The following APBA2 variants were observed in gnomAD, a reference collection of about 807,000 sequenced individuals.
The protein encoded by APBA2 is amyloid-beta A4 precursor protein-binding family A member 2.
In APBA2, 30 loss-of-function variants were observed where a neutral mutation model predicts 75.0. That is an observed-to-expected ratio of 0.40 (90% CI 0.30 to 0.54). APBA2 has a LOEUF of 0.54. Among genes scored for constraint, APBA2 ranks in the 20% least tolerant of loss-of-function variants. The probability of loss-of-function intolerance (pLI) is 0.49; values close to 1 mark genes in which losing one functional copy is unlikely to be tolerated. For synonymous variants in APBA2, 444 were observed against 409.6 expected (o/e 1.08, Z -1.01); for missense variants, 801 against 1,016.1 (o/e 0.79, Z 2.88).
At chr15:29,043,414 G>A (rs1228699617) in intron 3 of APBA2, among the ~76,000 whole-genome samples, 1 of 152,202 alleles carries the variant, frequency 6.6e-6, no homozygotes, top group Non-Finnish European at 1.5e-5. Flanking sequence ...AATGTCACCT[G>A]ACAGGTATGG....
Position 29,066,778 on chromosome 15 carries a change from T to G in APBA2, c.952-8143T>G, listed in dbSNP as rs1382682020. On this transcript the variant is annotated intron_variant, in intron 4 of 14. Transcript: ENST00000683413. ...GAGGTTTTTCAGTGAATAACTGGTT[T>G]GAACCAATTTGGATCCTCTAAAACC... Among the ~76,000 whole-genome samples the G allele has an allele frequency of 2.6e-5, 4 of 152,336 alleles. No homozygotes were observed. The East Asian group carries it at 7.7e-4, about 29-fold the overall frequency.
chr15:28,983,542 C>A (rs139461308), intron 2 of APBA2, among the ~76,000 whole-genome samples: 176 of 152,294 alleles, frequency 1.2e-3, no homozygotes, highest in African/African-American at 4.1e-3. Context: ...CTTTTCTCTT[C>A]GAGGCTGGTT....
At chr15:28,956,449 C>T (rs955892784) in intron 2 of APBA2, among the ~76,000 whole-genome samples, 3 of 152,124 alleles carry the variant, frequency 2.0e-5, no homozygotes, top group East Asian at 1.9e-4. Context: ...AGGCGACAGC[C>T]GGGTTTTGGA....
intron 1 of APBA2, among the ~76,000 whole-genome samples, chr15:28,915,787 C>A (rs1265202754): frequency 6.6e-6 from 1 of 150,556 alleles, no homozygotes; most frequent in Admixed American, 6.6e-5. Context: ...CACACACACA[C>A]CACACACACA....
intron 2 of APBA2, among the ~76,000 whole-genome samples, chr15:28,963,510 C>G (rs775348436): frequency 1.9e-4 from 29 of 152,296 alleles, no homozygotes; most frequent in Middle Eastern, 3.4e-3. Flanking sequence ...CTAACAGGTG[C>G]CAGAGTCGGA....
chr15:29,036,589 G>A (rs1019484269), intron 3 of APBA2, among the ~76,000 whole-genome samples: 1 of 152,192 alleles, frequency 6.6e-6, no homozygotes, highest in Non-Finnish European at 1.5e-5. Context: ...GGTTTGGGGT[G>A]CAGAGACCTC....
Position 28,995,143 on chromosome 15 carries a change from G to A in APBA2, c.-94-610G>A, listed in dbSNP as rs904007550. Reference sequence around the variant, plus strand: ...CCAAGGGCCTGGCCTTGAAACCCCCGAGCCTGCTGGCAGTAGCTTCCTCTT... The same window carrying A: ...CCAAGGGCCTGGCCTTGAAACCCCCAAGCCTGCTGGCAGTAGCTTCCTCTT... On this transcript the variant is annotated intron_variant, in intron 2 of 14. Coordinates refer to ENST00000683413, the MANE Select transcript of APBA2 (RefSeq NM_001353788.2). Among the ~76,000 whole-genome samples the A allele has an allele frequency of 2.6e-5, 4 of 152,062 alleles. No homozygotes were observed. The East Asian group carries it at 7.7e-4, about 29-fold the overall frequency.
At chr15:29,081,436 C>T (rs1477830884) in intron 6 of APBA2, among the ~76,000 whole-genome samples, 1 of 152,194 alleles carries the variant, frequency 6.6e-6, no homozygotes, top group Non-Finnish European at 1.5e-5. Flanking sequence ...AAAATCTGAA[C>T]TTTTATTCAC....
chr15:28,913,742 T>C (rs2033540210), intron 1 of APBA2, among the ~76,000 whole-genome samples: 1 of 152,332 alleles, frequency 6.6e-6, no homozygotes, highest in South Asian at 2.1e-4. Context: ...TTAGCACTTA[T>C]TTAAATTAAA....
chr15:28,920,374 C>T (rs2033911113), intron 1 of APBA2, among the ~76,000 whole-genome samples: 1 of 152,158 alleles, frequency 6.6e-6, no homozygotes, highest in African/African-American at 2.4e-5. Flanking sequence ...GGGTCTAGGC[C>T]CAGGACCTCA....
Position 29,005,724 on chromosome 15 carries a change from C to T in APBA2, c.-41+9918C>T, listed in dbSNP as rs181123435. On this transcript the variant is annotated intron_variant, in intron 3 of 14. Transcript: ENST00000683413. ...TACTAAAAATACAAAAATTGCCTGT[C>T]GTGGTGGCAGACCCCTGTAATCCCA... Among the ~76,000 whole-genome samples, 8 of 152,176 alleles carry T rather than the reference C, an allele frequency of 5.3e-5. No individual in the cohort carries two copies. In the East Asian group the frequency reaches 7.8e-4, roughly 15 times the overall value.
At chr15:28,984,721 G>T (rs1328704181) in intron 2 of APBA2, among the ~76,000 whole-genome samples, 1 of 150,442 alleles carries the variant, frequency 6.6e-6, no homozygotes, top group Non-Finnish European at 1.5e-5. Context: ...CCATCTCTGG[G>T]GGTTGGGAGA....
intron 3 of APBA2, among the ~76,000 whole-genome samples, chr15:29,024,062 C>T (rs2040094467): frequency 6.6e-6 from 1 of 151,816 alleles, no homozygotes; most frequent in African/African-American, 2.4e-5. Context: ...TGCCACCATG[C>T]CTGGCTAATT....
At chr15:29,053,281 C>T (rs1484092378) in intron 3 of APBA2, among the ~76,000 whole-genome samples, 1 of 152,150 alleles carries the variant, frequency 6.6e-6, no homozygotes, top group East Asian at 1.9e-4. Context: ...GCACATTGCT[C>T]AGCCTGGATG....
At chr15:28,967,309 G>T (rs1392909150) in intron 2 of APBA2, among the ~76,000 whole-genome samples, 1 of 152,130 alleles carries the variant, frequency 6.6e-6, no homozygotes, top group Non-Finnish European at 1.5e-5. Flanking sequence ...AAAATTGTAA[G>T]TCTGGCTTTT....
At chr15:29,072,867 G>A (rs2042685528) in intron 4 of APBA2, among the ~76,000 whole-genome samples, 1 of 152,112 alleles carries the variant, frequency 6.6e-6, no homozygotes, top group African/African-American at 2.4e-5. Flanking sequence ...GGTCCCAGCT[G>A]CACCCCTGCA....
At chr15:28,913,361 A>G (rs2033521983) in intron 1 of APBA2, among the ~76,000 whole-genome samples, 1 of 152,212 alleles carries the variant, frequency 6.6e-6, no homozygotes, top group Non-Finnish European at 1.5e-5. Flanking sequence ...GCTGCTCAGC[A>G]GTGGCCCGTG....
chr15:28,995,208 T>G (rs924195466), intron 2 of APBA2, among the ~76,000 whole-genome samples: 1 of 152,192 alleles, frequency 6.6e-6, no homozygotes, highest in Non-Finnish European at 1.5e-5. Flanking sequence ...CAGGGAAGTC[T>G]GAGACCTGGT....
intron 1 of APBA2, among the ~76,000 whole-genome samples, chr15:28,911,540 A>G: frequency 6.6e-6 from 1 of 152,148 alleles, no homozygotes; most frequent in East Asian, 1.9e-4. Flanking sequence ...TTTGTCCCCC[A>G]ATCTCATTTA....
Sources: gnomAD v4.1 joint callset for allele counts (sites outside exome capture counted in the v4.1 genomes callset) on GRCh38, gnomAD v4.1.1 for gene constraint, MANE v1.5 for transcripts, NCBI Gene and HGNC (gene_info 2026-07-23, HGNC 2026-07-21) for gene names.